Variants in AOAH observed in about 807,000 individuals in gnomAD.
AOAH encodes the protein acyloxyacyl hydrolase, also known as acyloxyacyl hydrolase (neutrophil).
Under a neutral mutation model 92.2 loss-of-function variants are expected in AOAH, and 64 were observed. That is an observed-to-expected ratio of 0.69 (90% CI 0.57 to 0.86). The LOEUF (loss-of-function observed/expected upper bound fraction) is 0.86. AOAH is among the 40% of genes least tolerant of loss of function. The pLI is 0.00. For missense variants in AOAH, 656 were observed against 694.6 expected (o/e 0.94, Z 0.62); for synonymous variants, 263 against 254.5 (o/e 1.03, Z -0.32).
intron 13 of AOAH, among the ~76,000 whole-genome samples, chr7:36,555,518 T>G (rs558513589): frequency 8.1e-4 from 124 of 152,218 alleles, no homozygotes; most frequent in Non-Finnish European, 1.3e-3. Flanking sequence ...TTAGGGAGGA[T>G]TCCCTCTTTT....
rs138135859 is a variant in AOAH at position 36,549,298 on chromosome 7, A to G, written c.1058+141T>C. On this transcript the variant is annotated intron_variant, in intron 14 of 20. Transcript: ENST00000617537. ...ATCACTTTCTATGCTCACTGGCCCA[A>G]GGAGTGATATCCTTGAGTTTGGATA... 264 of 672,278 alleles carry G rather than the reference A, an allele frequency of 3.9e-4. 1 individual carries two copies. Among genetic ancestry groups the G allele is most frequent in the African/African-American group, 3.7e-3 (206 of 55,184 alleles). 41.6% of individuals were successfully genotyped at this position (672,278 alleles called of 1,614,324 possible).
At chr7:36,574,840 C>G (rs147555954) in intron 13 of AOAH, among the ~76,000 whole-genome samples, 2 of 152,244 alleles carry the variant, frequency 1.3e-5, no homozygotes, top group African/African-American at 4.8e-5. Context: ...ACCAATCTTT[C>G]CTACGTATAC....
intron 1 of AOAH, among the ~76,000 whole-genome samples, chr7:36,699,933 T>C (rs966798960): frequency 6.6e-6 from 1 of 152,104 alleles, no homozygotes; most frequent in African/African-American, 2.4e-5. Flanking sequence ...GTTTCATGTC[T>C]TAGATTTAAG....
rs777229386 is a variant in AOAH at position 36,576,598 on chromosome 7, C to G, written c.997G>C (p.Asp333His). 1.3e-6 allele frequency: 2 copies of G among 1,577,976 alleles called. No individual in the cohort carries two copies. Among genetic ancestry groups the G allele is most frequent in the African/African-American group, 1.4e-5 (1 of 73,296 alleles). ...LWKRNHCNHR[D>H]YQNISRNGAS... ...CCATTTCTTGAAATATTCTGGTAGT[C>G]CCTGTGATTACAGTGGTTTCTTTTC... The change falls in exon 13 of 21, where the codon GAC becomes CAC. Residue 333 changes from aspartate (D) to histidine (H), a missense_variant. Asp to His is a moderately conservative substitution (Grantham distance 81). Coordinates refer to ENST00000617537, the MANE Select transcript of AOAH (RefSeq NM_001637.4).
At chr7:36,573,419 A>G (rs1377255943) in intron 13 of AOAH, among the ~76,000 whole-genome samples, 1 of 152,138 alleles carries the variant, frequency 6.6e-6, no homozygotes, top group Non-Finnish European at 1.5e-5. Context: ...TCCATTCTCC[A>G]TTTTAAAATG....
At chr7:36,712,565 C>T (rs1470799754) in intron 1 of AOAH, among the ~76,000 whole-genome samples, 1 of 152,112 alleles carries the variant, frequency 6.6e-6, no homozygotes, top group Non-Finnish European at 1.5e-5. Context: ...AGAGGCACAG[C>T]CTGTTCAAGC....
chr7:36,558,003 T>C (rs1463038437), intron 13 of AOAH, among the ~76,000 whole-genome samples: 1 of 152,248 alleles, frequency 6.6e-6, no homozygotes, highest in East Asian at 1.9e-4. Context: ...TCATTCTCCG[T>C]CCAGCTTTGT....
chr7:36,513,264 T>C lies in AOAH; in HGVS notation c.1716A>G (p.Gln572=). ...GCTCCTGAGAGGCTCAGTGCCCGCC[T>C]TGGTCTCCAAACACCTGTTTAATCT... is the stretch of plus-strand genomic sequence containing the variant. ...NPQIKQVFGD[Q]GGH The change falls in exon 21 of 21, where the codon CAA becomes CAG. Residue 572 remains glutamine (Q), a synonymous_variant. Coordinates refer to ENST00000617537, the MANE Select transcript of AOAH (RefSeq NM_001637.4). 6.2e-7 allele frequency: 1 copy of C among 1,614,218 alleles called. No individual in the cohort carries two copies. Among genetic ancestry groups the C allele is most frequent in the Non-Finnish European group, 8.5e-7 (1 of 1,180,034 alleles).
chr7:36,532,803 C>T (rs1784777230), intron 16 of AOAH, among the ~76,000 whole-genome samples: 1 of 152,158 alleles, frequency 6.6e-6, no homozygotes, highest in African/African-American at 2.4e-5. Context: ...ATGAAACGCT[C>T]AGGTCTGACC....
intron 1 of AOAH, among the ~76,000 whole-genome samples, chr7:36,706,386 G>C (rs546527183): frequency 7.2e-5 from 11 of 152,220 alleles, no homozygotes; most frequent in African/African-American, 2.6e-4. Context: ...AAAATATACA[G>C]TAAACCATAC....
intron 1 of AOAH, among the ~76,000 whole-genome samples, chr7:36,688,859 G>A (rs1404931649): frequency 1.3e-5 from 2 of 151,878 alleles, no homozygotes; most frequent in African/African-American, 2.4e-5. Flanking sequence ...ATATGTATAT[G>A]TGTATCTATA....
chr7:36,628,675 G>A (rs992176655), intron 6 of AOAH, among the ~76,000 whole-genome samples: 1 of 152,228 alleles, frequency 6.6e-6, no homozygotes, highest in Non-Finnish European at 1.5e-5. Context: ...ACGCGTCCCT[G>A]GGGTGGAGAC....
chr7:36,573,703 G>A (rs1583852601), intron 13 of AOAH, among the ~76,000 whole-genome samples: 1 of 152,134 alleles, frequency 6.6e-6, no homozygotes, highest in East Asian at 1.9e-4. Flanking sequence ...GGGCGACAGA[G>A]CGAGACTCTG....
rs77657696 is a variant in AOAH at position 36,580,231 on chromosome 7, G to A, written c.939-3575C>T. Among the ~76,000 whole-genome samples the A allele has an allele frequency of 6.6e-3, 1,002 of 152,134 alleles. 14 individuals are homozygous for A. The highest frequency in any genetic ancestry group is 0.023 in the African/African-American group (952 of 41,500). ...CTACAACTATTGGGTCATCTGAACC[G>A]GTCTTGTAATTTTCCCTGTTTCTCT... On this transcript the variant is annotated intron_variant, in intron 12 of 20. Transcript: ENST00000617537.
At chr7:36,578,829 T>C (rs1021005934) in intron 12 of AOAH, among the ~76,000 whole-genome samples, 2 of 152,214 alleles carry the variant, frequency 1.3e-5, no homozygotes, top group Admixed American at 6.5e-5. Context: ...CTCATATTGC[T>C]ATAAAGGAAT....
chr7:36,677,519 C>T (rs1796331125), intron 2 of AOAH, among the ~76,000 whole-genome samples: 1 of 152,136 alleles, frequency 6.6e-6, no homozygotes. Flanking sequence ...TTGTAACCAG[C>T]CTACCAGCTC....
chr7:36,551,787 G>A (rs532623326), intron 13 of AOAH, among the ~76,000 whole-genome samples: 5 of 152,308 alleles, frequency 3.3e-5, no homozygotes, highest in African/African-American at 9.6e-5. Context: ...TGTTTTGGAC[G>A]TATGGTATAT....
intron 1 of AOAH, among the ~76,000 whole-genome samples, chr7:36,723,365 A>G (rs1039089141): frequency 6.6e-6 from 1 of 152,216 alleles, no homozygotes; most frequent in Non-Finnish European, 1.5e-5. Context: ...AACCTCTTGG[A>G]AATAAAACAC....
intron 19 of AOAH, among the ~76,000 whole-genome samples, chr7:36,529,386 A>G (rs1359516189): frequency 6.6e-6 from 1 of 152,348 alleles, no homozygotes; most frequent in East Asian, 1.9e-4. Flanking sequence ...TTTAATGAGA[A>G]GTTATTTATC....
Sources: gnomAD v4.1 joint callset for allele counts (sites outside exome capture counted in the v4.1 genomes callset) on GRCh38, gnomAD v4.1.1 for gene constraint, MANE v1.5 for transcripts, NCBI Gene and HGNC (gene_info 2026-07-23, HGNC 2026-07-21) for gene names.